Variants in CBR4 observed in about 807,000 individuals in gnomAD.
CBR4 encodes carbonyl reductase 4, also known as 3-oxoacyl-[acyl-carrier-protein] reductase.
CBR4 carries 22 observed loss-of-function variants against 21.0 expected under a neutral mutation model. That is an observed-to-expected ratio of 1.05 (90% confidence interval 0.75 to 1.50). The LOEUF (loss-of-function observed/expected upper bound fraction) is 1.50, where lower values mean the gene tolerates loss of function less well. Ranked by LOEUF, CBR4 falls within the 40% of genes most tolerant of loss-of-function variation. The pLI is 0.00. For synonymous variants in CBR4, 100 were observed against 104.4 expected (o/e 0.96, Z 0.26); for missense variants, 302 against 286.3 (o/e 1.05, Z -0.40).
intron 2 of CBR4, chr4:168,926,484 C>T: frequency 1.4e-6 from 1 of 740,242 alleles, no homozygotes; most frequent in Non-Finnish European, 2.0e-6. Context: ...ATACCTTTGA[C>T]TATAAGAAAT....
intron 2 of CBR4, among the ~76,000 whole-genome samples, chr4:168,920,612 A>G (rs549260548): frequency 6.6e-6 from 1 of 152,294 alleles, no homozygotes; most frequent in South Asian, 2.1e-4. Flanking sequence ...TTTGCGGCAC[A>G]ACATGTTATT....
intron 2 of CBR4, among the ~76,000 whole-genome samples, chr4:168,932,779 G>A (rs1763005332): frequency 1.3e-5 from 2 of 152,114 alleles, no homozygotes; most frequent in African/African-American, 4.8e-5. Flanking sequence ...TATATTCAAT[G>A]TACTAAAAGA....
chr4:168,944,212 AAGTGGGAG>A (rs1763340456), intron 2 of CBR4, among the ~76,000 whole-genome samples: 1 of 152,102 alleles, frequency 6.6e-6, no homozygotes, highest in Admixed American at 6.6e-5. Flanking sequence ...TGGGAGGCCG[AAGTGGGAG>A]GATGGCTTGA....
rs565420633 is a variant in CBR4, at chr4:168,961,258, T to C, written n.169+40813A>G. Reference sequence around the variant, plus strand: ...GAGCTAAGTGCCAAGTTTTCATCCCTATGCCAAGTGTTTGAAAAGTAAGTT... The same window carrying C: ...GAGCTAAGTGCCAAGTTTTCATCCCCATGCCAAGTGTTTGAAAAGTAAGTT... On this transcript the variant is annotated intron_variant and non_coding_transcript_variant, in intron 2 of 3. Transcript: ENST00000509108. Among the ~76,000 whole-genome samples, 7 of 152,356 alleles carry C rather than the reference T, an allele frequency of 4.6e-5. No individual in the cohort carries two copies. The South Asian group carries it at 1.4e-3, about 32-fold the overall frequency.
chr4:168,911,795 T>C (rs944097011), intron 2 of CBR4, among the ~76,000 whole-genome samples: 2 of 152,236 alleles, frequency 1.3e-5, no homozygotes, highest in African/African-American at 4.8e-5. Flanking sequence ...TTCATAATGT[T>C]AGACTTCATG....
Position 169,010,245 on chromosome 4 carries a change from C to T in CBR4, c.-156G>A. 3.0e-6 allele frequency: 2 copies of T among 659,494 alleles called. No individual in the cohort carries two copies. The highest frequency in any genetic ancestry group is 3.0e-5 in the East Asian group (1 of 33,052). The allele number at this position is 659,494 out of a possible 1,614,324, so 40.9% of individuals were successfully genotyped here. On this transcript the variant is annotated 5_prime_UTR_variant, in exon 1 of 5. Coordinates refer to ENST00000306193, the MANE Select transcript of CBR4 (RefSeq NM_032783.5). ...AACGCCGCTCGACACCTCCTGCAGC[C>T]GCACAATAGTAATGCAAGACGCCGT... is the stretch of plus-strand genomic sequence containing the variant.
intron 2 of CBR4, among the ~76,000 whole-genome samples, chr4:168,975,570 G>C (rs989136585): frequency 6.6e-6 from 1 of 152,190 alleles, no homozygotes. Context: ...TGCAGTAGTA[G>C]AAGGGAGATA....
chr4:168,936,328 A>C (rs1824270), intron 2 of CBR4, among the ~76,000 whole-genome samples: 103,274 of 152,084 alleles, frequency 0.68, 36,854 homozygotes, highest in East Asian at 0.96. Flanking sequence ...GATGGGGAGA[A>C]ACCAATGCAA....
intron 3 of CBR4, among the ~76,000 whole-genome samples, chr4:169,003,069 A>G (rs970893185): frequency 2.6e-5 from 4 of 152,184 alleles, no homozygotes; most frequent in African/African-American, 9.7e-5. Context: ...TGTTAACACA[A>G]TATCCTTTCT....
At position 168,989,805 on chromosome 4, in the gene CBR4, C is replaced by T. The variant is rs1028301812; in HGVS notation, c.*345G>A. Reference sequence around the variant, plus strand: ...GTAACCAAAGGTAAGTGATACACATCCTTTAGAAAACACAATTTGTCTGGG... The same window carrying T: ...GTAACCAAAGGTAAGTGATACACATTCTTTAGAAAACACAATTTGTCTGGG... On this transcript the variant is annotated 3_prime_UTR_variant, in exon 5 of 5. Coordinates refer to ENST00000306193, the MANE Select transcript of CBR4 (RefSeq NM_032783.5). The T allele has an allele frequency of 1.3e-5, 13 of 1,002,494 alleles. No homozygotes were observed. The African/African-American group carries it at 2.1e-4, about 16-fold the overall frequency. The allele number at this position is 1,002,494 out of a possible 1,614,324, so 62.1% of individuals were successfully genotyped here. A position where few individuals can be genotyped will look rare whatever the true frequency, so the allele number is the denominator to read the frequency against.
At chr4:168,905,147 T>G (rs1219689859) in intron 2 of CBR4, among the ~76,000 whole-genome samples, 2 of 128,992 alleles carry the variant, frequency 1.6e-5, no homozygotes, top group Non-Finnish European at 3.3e-5. Flanking sequence ...GGTTTTTTTT[T>G]TTTTTTTTTT....
chr4:168,964,934 G>A (rs1395989287), intron 2 of CBR4, among the ~76,000 whole-genome samples: 1 of 152,022 alleles, frequency 6.6e-6, no homozygotes, highest in Non-Finnish European at 1.5e-5. Flanking sequence ...TTTGGGACAT[G>A]TTTTTTGTTT....
chr4:168,988,741 T>G lies in CBR4; in HGVS notation c.*1409A>C, dbSNP rs1764780336. 1.0e-6 allele frequency: 1 copy of G among 967,480 alleles called. No individual in the cohort carries two copies. Among genetic ancestry groups the G allele is most frequent in the South Asian group, 4.8e-5 (1 of 20,966 alleles). 59.9% of individuals were successfully genotyped at this position (967,480 alleles called of 1,614,324 possible). ...TAATTGACTTTCTCATATCCTGAGA[T>G]TAATCTAAGAAAACTATTTCAAAGA... On this transcript the variant is annotated 3_prime_UTR_variant, in exon 5 of 5. Coordinates refer to ENST00000306193, the MANE Select transcript of CBR4 (RefSeq NM_032783.5).
chr4:168,983,530 G>A (rs1046112777), downstream of CBR4, among the ~76,000 whole-genome samples: 3 of 151,966 alleles, frequency 2.0e-5, no homozygotes, highest in African/African-American at 7.2e-5. Context: ...AAAAAGTCAA[G>A]GAGGGACTCC....
At chr4:168,921,466 T>C (rs1331148484) in intron 2 of CBR4, 3 of 1,066,588 alleles carry the variant, frequency 2.8e-6, no homozygotes, top group African/African-American at 1.6e-5. Flanking sequence ...TTATGCAGAC[T>C]TCTTAGCTAC....
At position 168,988,622 on chromosome 4, in the gene CBR4, T is replaced by A; in HGVS notation, c.*1528A>T. 1.0e-6 allele frequency: 1 copy of A among 985,450 alleles called. No individual in the cohort carries two copies. The highest frequency in any genetic ancestry group is 1.2e-6 in the Non-Finnish European group (1 of 829,918). The allele number at this position is 985,450 out of a possible 1,614,324, so 61.0% of individuals were successfully genotyped here. On this transcript the variant is annotated 3_prime_UTR_variant, in exon 5 of 5. Coordinates refer to ENST00000306193, the MANE Select transcript of CBR4 (RefSeq NM_032783.5). ...TTCTGAGTGCTGCATTTCCTATATG[T>A]GCCTAGACTTGGTAATGCCTGATAA...
intron 3 of CBR4, chr4:169,005,889 A>C: frequency 7.8e-7 from 1 of 1,288,732 alleles, no homozygotes; most frequent in Non-Finnish European, 1.0e-6. Context: ...ACTTACTTTT[A>C]TGGAGCAGCA....
chr4:168,990,051 T>C lies in CBR4; in HGVS notation c.*99A>G. 1 of 1,335,366 alleles carries C rather than the reference T, an allele frequency of 7.5e-7. No homozygotes were observed. The highest frequency in any genetic ancestry group is 9.7e-7 in the Non-Finnish European group (1 of 1,034,630). The allele number at this position is 1,335,366 out of a possible 1,614,324, so 82.7% of individuals were successfully genotyped here. On this transcript the variant is annotated 3_prime_UTR_variant, in exon 5 of 5. Transcript: ENST00000306193. The stretch of plus-strand genomic sequence containing the variant: ...AATTAACATTTGTAGCATCAGCAGG[T>C]TTGATTAGCACATGTTACCCATGTA...
chr4:168,979,424 G>C (rs1025425439), intron 2 of CBR4, among the ~76,000 whole-genome samples: 1 of 152,016 alleles, frequency 6.6e-6, no homozygotes, highest in Admixed American at 6.6e-5. Context: ...CTGTCCATGT[G>C]CTACTCCTTA....
Sources: allele counts gnomAD v4.1 joint callset (sites outside exome capture counted in the v4.1 genomes callset), GRCh38; gene constraint gnomAD v4.1.1; transcripts MANE v1.5; gene names NCBI Gene and HGNC (gene_info 2026-07-23, HGNC 2026-07-21).